CCNB3: variants seen among roughly 807,000 people sequenced by gnomAD.
CCNB3 encodes G2/mitotic-specific cyclin-B3.
A neutral mutation model predicts 68.0 loss-of-function variants in CCNB3; 12 were observed. The ratio of observed to expected loss-of-function variants is 0.18; its 90% CI spans 0.11 to 0.29. The LOEUF (loss-of-function observed/expected upper bound fraction) is 0.29. Ranked by LOEUF, CCNB3 falls within the 10% of genes least tolerant of loss-of-function variation. The pLI, the probability that CCNB3 is intolerant of heterozygous loss-of-function variation, is 1.00. For synonymous variants in CCNB3, 354 were observed against 388.9 expected (o/e 0.91, Z 1.06); for missense variants, 904 against 993.1 (o/e 0.91, Z 1.21).
intron 1 of CCNB3, among the ~76,000 whole-genome samples, chrX:50,226,955 A>C (rs1419517366): frequency 2.6e-5 from 2 of 76,443 alleles, no homozygotes; most frequent in African/African-American, 1.1e-4. Flanking sequence ...GAATATATAT[A>C]GTATATATAT....
At chrX:50,206,210 T>G in intron 1 of CCNB3, among the ~76,000 whole-genome samples, 1 of 110,336 alleles carries the variant, frequency 9.1e-6, no homozygotes. Flanking sequence ...GCCACTGCAC[T>G]CCAGCCTGGC....
At chrX:50,226,425 G>C (rs1402953053) in intron 1 of CCNB3, among the ~76,000 whole-genome samples, 152 of 31,284 alleles carry the variant, frequency 4.9e-3, no homozygotes, top group Non-Finnish European at 7.0e-3. Flanking sequence ...TATATATGTA[G>C]AATATATAAA....
At position 50,332,536 on chromosome X, in the gene CCNB3, G is replaced by A. The variant is rs145790481; in HGVS notation, c.3517-9666G>A. Among the ~76,000 whole-genome samples, 309 of 111,433 alleles carry A rather than the reference G, an allele frequency of 2.8e-3. 2 individuals are homozygous for A. Among genetic ancestry groups the A allele is most frequent in the African/African-American group, 9.6e-3 (293 of 30,635 alleles). ...CCCACGATGATCCTCCTCATGCTTC[G>A]GCTGTGCGTAGACCAGTCAGCTTCC... On this transcript the variant is annotated intron_variant, in intron 8 of 12. Transcript: ENST00000376042.
In CCNB3 at chrX:50,351,593, T is replaced by C; in HGVS notation, c.4092-14T>C. 8.3e-7 allele frequency: 1 copy of C among 1,198,681 alleles called. No individual in the cohort carries two copies. Among genetic ancestry groups the C allele is most frequent in the Non-Finnish European group, 1.1e-6 (1 of 883,871 alleles). ...CCCTATTCTATGCTGAGGAGACCCC[T>C]CTTCCTTTTGCAGGGTCTTCTTTGA... On this transcript the variant is annotated splice_polypyrimidine_tract_variant and intron_variant, in intron 12 of 12. Transcript: ENST00000376042.
intron 7 of CCNB3, among the ~76,000 whole-genome samples, chrX:50,313,096 C>G (rs1264391283): frequency 9.0e-6 from 1 of 111,291 alleles, no homozygotes; most frequent in Non-Finnish European, 1.9e-5. Context: ...TTTCATCTCT[C>G]CAACCTGGTG....
intron 4 of CCNB3, among the ~76,000 whole-genome samples, chrX:50,294,330 TAGTC>T (rs1936405082): frequency 9.0e-6 from 1 of 111,255 alleles, no homozygotes; most frequent in South Asian, 3.8e-4. Flanking sequence ...TTAATAGTGT[TAGTC>T]AGGATTAGAG....
intron 1 of CCNB3, among the ~76,000 whole-genome samples, chrX:50,283,833 C>T (rs965593328): frequency 4.5e-5 from 5 of 110,419 alleles, no homozygotes; most frequent in Middle Eastern, 4.7e-3. Context: ...TTCCTCCAGC[C>T]CCTGTCCCCA....
chrX:50,285,256 A>G lies in CCNB3; in HGVS notation c.93A>G (p.Glu31=). 1.7e-6 allele frequency: 2 copies of G among 1,196,177 alleles called. No individual in the cohort carries two copies. Among genetic ancestry groups the G allele is most frequent in the Non-Finnish European group, 2.3e-6 (2 of 881,634 alleles). ...TGCCCAGTCATCATGACCCATCTGA[A>G]AAGGTTAGAGCAAGCTGTCTTTCCC... The part of the protein sequence containing the change: ...KIVPSHHDPS[E]KTGENCQTKI... The change falls in exon 3 of 13, where the codon GAA becomes GAG. Residue 31 remains glutamate (E), a synonymous_variant. Transcript: ENST00000376042.
chrX:50,280,204 A>G (rs1223561459), intron 1 of CCNB3, among the ~76,000 whole-genome samples: 1 of 87,184 alleles, frequency 1.1e-5, no homozygotes, highest in East Asian at 3.4e-4. Flanking sequence ...GAACATATAA[A>G]TATATTTTTA....
chrX:50,280,583 T>C (rs1936120882), intron 1 of CCNB3, among the ~76,000 whole-genome samples: 1 of 109,457 alleles, frequency 9.1e-6, no homozygotes, highest in African/African-American at 3.3e-5. Flanking sequence ...ATTCACAAAA[T>C]AGGGGCAGTA....
At chrX:50,217,955 C>G (rs1342134311) in intron 1 of CCNB3, among the ~76,000 whole-genome samples, 1 of 111,692 alleles carries the variant, frequency 9.0e-6, no homozygotes, top group Non-Finnish European at 1.9e-5. Flanking sequence ...GAAGTAGAAT[C>G]TCTGGGTAAA....
At position 50,285,109 on chromosome X, in the gene CCNB3, G is replaced by A. The variant is rs996950813; in HGVS notation, c.-37-18G>A. 11 of 892,618 alleles carry A rather than the reference G, an allele frequency of 1.2e-5. No individual in the cohort carries two copies. Among genetic ancestry groups the A allele is most frequent in the Non-Finnish European group, 1.8e-5 (11 of 605,802 alleles). 73.6% of individuals were successfully genotyped at this position (892,618 alleles called of 1,213,427 possible). ...TGTTTCTGGTGAATGGTGTTAAAGA[G>A]CCTCTTTCTGATTACAGCCCTGCCT... On this transcript the variant is annotated intron_variant, in intron 2 of 12. Transcript: ENST00000376042.
In CCNB3 at chrX:50,300,681, G is replaced by T. The variant is rs1374584426; in HGVS notation, c.335+5688G>T. Among the ~76,000 whole-genome samples, 28 of 111,580 alleles carry T rather than the reference G, an allele frequency of 2.5e-4. 1 individual carries two copies. Among genetic ancestry groups the T allele is most frequent in the African/African-American group, 9.1e-4 (28 of 30,720 alleles). On this transcript the variant is annotated intron_variant, in intron 5 of 12. Transcript: ENST00000376042. The stretch of plus-strand genomic sequence containing the variant: ...ATTTCCTGAATTTGAATGTTGGCCT[G>T]CCTTGCTAGATTGGGGAAGTTCTCC...
At chrX:50,227,127 C>T (rs1422955649) in intron 1 of CCNB3, among the ~76,000 whole-genome samples, 1 of 66,812 alleles carries the variant, frequency 1.5e-5, no homozygotes, top group African/African-American at 6.4e-5. Context: ...AGAATATATA[C>T]AAAAATATAT....
At chrX:50,326,518 T>A (rs951776626) in intron 8 of CCNB3, among the ~76,000 whole-genome samples, 2 of 111,975 alleles carry the variant, frequency 1.8e-5, no homozygotes, top group Non-Finnish European at 3.8e-5. Flanking sequence ...TTATTCATTA[T>A]CTTCAACTTT....
intron 1 of CCNB3, among the ~76,000 whole-genome samples, chrX:50,216,853 C>CTG (rs1225678352): frequency 0.029 from 3,109 of 107,211 alleles, 56 homozygotes; most frequent in Admixed American, 0.066. Context: ...GGGTATTACT[C>CTG]TGTGTGTGTG....
chrX:50,226,214 A>ATATATATAGAATATATATATTTG (rs1935772979), intron 1 of CCNB3, among the ~76,000 whole-genome samples: 2 of 68,368 alleles, frequency 2.9e-5, no homozygotes, highest in Non-Finnish European at 4.8e-5. Context: ...ATATATATTT[A>ATATATATAGAATATATATATTTG]TATATATAGA....
intron 1 of CCNB3, among the ~76,000 whole-genome samples, chrX:50,206,435 A>T (rs782289456): frequency 1.9e-5 from 2 of 105,068 alleles, no homozygotes; most frequent in African/African-American, 7.0e-5. Flanking sequence ...ATAAAATAAA[A>T]TTAGCAGTGT....
chrX:50,309,038 G>T lies in CCNB3; in HGVS notation c.869G>T (p.Cys290Phe), dbSNP rs1557214039. 2 of 1,211,121 alleles carry T rather than the reference G, an allele frequency of 1.7e-6. No homozygotes were observed. The highest frequency in any genetic ancestry group is 4.3e-5 in the Admixed American group (2 of 45,986). Residue 290 changes from cysteine (C) to phenylalanine (F), a missense_variant, in exon 6 of 13, where the codon TGT becomes TTT. Coordinates refer to ENST00000376042, the MANE Select transcript of CCNB3 (RefSeq NM_033031.3). ...AAGTTATCATCTTTAAAGAAGAAATGTACCATTTATGGGAAGATATGCCAC... is the reference window on the plus strand; with the variant it reads ...AAGTTATCATCTTTAAAGAAGAAATTTACCATTTATGGGAAGATATGCCAC... ...THKLSSLKKK[C>F]TIYGKICHFR...
Sources: gnomAD v4.1 joint callset for allele counts (sites outside exome capture counted in the v4.1 genomes callset) on GRCh38, gnomAD v4.1.1 for gene constraint, MANE v1.5 for transcripts, NCBI Gene and HGNC (gene_info 2026-07-23, HGNC 2026-07-21) for gene names.